Variants in AUTS2 observed in about 807,000 individuals in gnomAD.
AUTS2 encodes autism susceptibility gene 2 protein.
In AUTS2, 17 loss-of-function variants were observed where a neutral mutation model predicts 112.4. The observed-to-expected ratio is 0.15, with a 90% CI of 0.10 to 0.23. The LOEUF is 0.23. AUTS2 is among the 10% of genes least tolerant of loss of function. The probability of loss-of-function intolerance (pLI) is 1.00; values close to 1 mark genes in which losing one functional copy is unlikely to be tolerated. For missense variants in AUTS2, 1,510 were observed against 1,701.6 expected (o/e 0.89, Z 1.98); for synonymous variants, 751 against 702.7 (o/e 1.07, Z -1.09).
chr7:70,113,795 A>G (rs1306456373), intron 2 of AUTS2, among the ~76,000 whole-genome samples: 1 of 152,186 alleles, frequency 6.6e-6, no homozygotes, highest in Middle Eastern at 3.2e-3. Flanking sequence ...GAAACTCTCC[A>G]TATCCAAGCT....
chr7:69,649,978 G>T (rs1795219781), intron 1 of AUTS2, among the ~76,000 whole-genome samples: 1 of 152,152 alleles, frequency 6.6e-6, no homozygotes, highest in Non-Finnish European at 1.5e-5. Context: ...TCCCCACACA[G>T]TCTTATGCAG....
chr7:69,648,073 G>A (rs1415846209), intron 1 of AUTS2, among the ~76,000 whole-genome samples: 1 of 152,098 alleles, frequency 6.6e-6, no homozygotes, highest in African/African-American at 2.4e-5. Context: ...CATACTGAGG[G>A]TTAGGGCTTT....
Position 70,496,042 on chromosome 7 carries a change from G to A in AUTS2, c.690+60261G>A, listed in dbSNP as rs1437134342. Among the ~76,000 whole-genome samples the A allele has an allele frequency of 5.0e-5, 5 of 100,912 alleles. No homozygotes were observed. The Admixed American group carries it at 6.4e-4, about 13-fold the overall frequency. 66.2% of individuals were successfully genotyped at this position (100,912 alleles called of 152,430 possible). A position where few individuals can be genotyped will look rare whatever the true frequency, so the allele number is the denominator to read the frequency against. ...ACACCCCCCCCACACACATGCACAC[G>A]TCACATCAGCATCTATCACACACCC... On this transcript the variant is annotated intron_variant, in intron 5 of 18. Transcript: ENST00000342771.
intron 1 of AUTS2, among the ~76,000 whole-genome samples, chr7:69,632,508 A>G (rs1042143017): frequency 7.5e-6 from 1 of 132,688 alleles, no homozygotes; most frequent in Non-Finnish European, 1.6e-5. Context: ...CTCCTTCCCC[A>G]TCCCTCTCCA....
intron 2 of AUTS2, among the ~76,000 whole-genome samples, chr7:70,071,958 C>T (rs115576901): frequency 1.3e-3 from 185 of 145,100 alleles, no homozygotes; most frequent in African/African-American, 4.5e-3. Flanking sequence ...ATTGACAAAG[C>T]TTGGCAGGTC....
chr7:70,689,556 C>G (rs1454289763), intron 5 of AUTS2, among the ~76,000 whole-genome samples: 1 of 151,760 alleles, frequency 6.6e-6, no homozygotes, highest in East Asian at 1.9e-4. Flanking sequence ...GCGGGCAGAT[C>G]ACGAGGTCAG....
chr7:69,934,026 A>G (rs1796317808), intron 2 of AUTS2, among the ~76,000 whole-genome samples: 1 of 152,240 alleles, frequency 6.6e-6, no homozygotes, highest in East Asian at 1.9e-4. Flanking sequence ...GGTCTAGTTT[A>G]GAGATTTATT....
intron 5 of AUTS2, among the ~76,000 whole-genome samples, chr7:70,476,120 A>G (rs542960818): frequency 6.6e-6 from 1 of 152,336 alleles, no homozygotes; most frequent in East Asian, 1.9e-4. Context: ...TGTCATGATC[A>G]TGGTGATACG....
At chr7:70,237,221 C>T (rs7808588) in intron 4 of AUTS2, among the ~76,000 whole-genome samples, 33,244 of 152,060 alleles carry the variant, frequency 0.22, 3,630 homozygotes, top group Middle Eastern at 0.33. Flanking sequence ...TTCAAAGTCT[C>T]ATATGTAAGT....
intron 3 of AUTS2, among the ~76,000 whole-genome samples, chr7:70,129,460 G>A (rs1046198907): frequency 1.3e-5 from 2 of 152,148 alleles, no homozygotes; most frequent in African/African-American, 4.8e-5. Context: ...CCAGAATCAT[G>A]TTTGACCAAA....
chr7:70,525,912 C>G (rs949406169), intron 5 of AUTS2, among the ~76,000 whole-genome samples: 1 of 152,188 alleles, frequency 6.6e-6, no homozygotes, highest in South Asian at 2.1e-4. Context: ...GGGCCCTGGC[C>G]GCTGCTCACA....
chr7:70,515,549 G>A (rs1034199836), intron 5 of AUTS2, among the ~76,000 whole-genome samples: 2 of 152,114 alleles, frequency 1.3e-5, no homozygotes, highest in South Asian at 2.1e-4. Flanking sequence ...TACCGGGTTA[G>A]AGACTTGTTG....
chr7:70,487,583 G>T (rs566848406), intron 5 of AUTS2, among the ~76,000 whole-genome samples: 39 of 152,298 alleles, frequency 2.6e-4, no homozygotes, highest in African/African-American at 9.4e-4. Context: ...TTTGTAATTG[G>T]GAGAGGGAAA....
intron 1 of AUTS2, among the ~76,000 whole-genome samples, chr7:69,737,127 A>C (rs1270903078): frequency 6.6e-6 from 1 of 152,074 alleles, no homozygotes; most frequent in Non-Finnish European, 1.5e-5. Flanking sequence ...CAGTTTTTCC[A>C]TGGGAGTCAA....
intron 1 of AUTS2, among the ~76,000 whole-genome samples, chr7:69,844,682 C>T (rs1792118931): frequency 6.6e-6 from 1 of 152,116 alleles, no homozygotes; most frequent in African/African-American, 2.4e-5. Flanking sequence ...TTCAAGAACA[C>T]AAGCTGCACC....
At chr7:70,037,758 T>C (rs1231742687) in intron 2 of AUTS2, among the ~76,000 whole-genome samples, 1 of 152,162 alleles carries the variant, frequency 6.6e-6, no homozygotes, top group Non-Finnish European at 1.5e-5. Flanking sequence ...TTCCTGGACA[T>C]GTCTCAGTTT....
chr7:69,998,399 G>C (rs1051026090), intron 2 of AUTS2, among the ~76,000 whole-genome samples: 7 of 152,034 alleles, frequency 4.6e-5, no homozygotes, highest in African/African-American at 7.2e-5. Context: ...AGCTCCCTGT[G>C]TGGAGCCTTC....
intron 4 of AUTS2, among the ~76,000 whole-genome samples, chr7:70,227,221 A>G (rs1263574256): frequency 1.3e-5 from 2 of 152,072 alleles, no homozygotes; most frequent in East Asian, 1.9e-4. Flanking sequence ...TGCAACAACA[A>G]TTAGAAAATA....
chr7:70,377,835 A>G (rs572780160), intron 4 of AUTS2, among the ~76,000 whole-genome samples: 77 of 150,704 alleles, frequency 5.1e-4, no homozygotes, highest in Non-Finnish European at 9.9e-4. Context: ...CAGTGGCGCA[A>G]TCTCGGCTCA....
Sources: allele counts gnomAD v4.1 joint callset (sites outside exome capture counted in the v4.1 genomes callset), GRCh38; gene constraint gnomAD v4.1.1; transcripts MANE v1.5; gene names NCBI Gene and HGNC (gene_info 2026-07-23, HGNC 2026-07-21).